The following HSDL1 variants were observed in gnomAD, a reference collection of about 807,000 sequenced individuals.
HSDL1 encodes the protein inactive hydroxysteroid dehydrogenase-like protein 1.
A neutral mutation model predicts 31.5 loss-of-function variants in HSDL1; 29 were observed. The observed-to-expected ratio is 0.92, with a 90% confidence interval of 0.69 to 1.26. The LOEUF (loss-of-function observed/expected upper bound fraction) is 1.26, where lower values mean the gene tolerates loss of function less well. HSDL1 is among the 50% of genes most tolerant of loss of function. HSDL1 has a pLI of 0.00. For synonymous variants in HSDL1, 222 were observed against 155.2 expected (o/e 1.43, Z -3.20); for missense variants, 503 against 416.6 (o/e 1.21, Z -1.81).
intron 1 of HSDL1, among the ~76,000 whole-genome samples, chr16:84,137,338 G>A (rs2086722238): frequency 6.6e-6 from 1 of 152,222 alleles, no homozygotes; most frequent in Non-Finnish European, 1.5e-5. Flanking sequence ...CGCATGCACA[G>A]CACAGGCTGT....
chr16:84,143,192 C>G (rs1331112850), intron 1 of HSDL1, among the ~76,000 whole-genome samples: 1 of 152,184 alleles, frequency 6.6e-6, no homozygotes, highest in Non-Finnish European at 1.5e-5. Context: ...AAGGCAGAAA[C>G]AAACAAAATG....
chr16:84,143,966 A>T (rs2086802150), intron 1 of HSDL1, among the ~76,000 whole-genome samples: 1 of 152,136 alleles, frequency 6.6e-6, no homozygotes, highest in African/African-American at 2.4e-5. Flanking sequence ...AGGAGCTGAG[A>T]TCGCAGGCAC....
At chr16:84,144,678 G>A (rs1349791275) in intron 1 of HSDL1, among the ~76,000 whole-genome samples, 2 of 152,110 alleles carry the variant, frequency 1.3e-5, no homozygotes, top group East Asian at 1.9e-4. Flanking sequence ...GGAGGAGCCG[G>A]GTGAGAGGCT....
chr16:84,123,087 A>G lies in HSDL1; in HGVS notation c.*1543T>C, dbSNP rs142024197. 4 of 152,356 alleles carry G rather than the reference A, an allele frequency of 2.6e-5. No homozygotes were observed. Among genetic ancestry groups the G allele is most frequent in the African/African-American group, 9.6e-5 (4 of 41,578 alleles). The allele number at this position is 152,356 out of a possible 1,614,324, so 9.4% of individuals were successfully genotyped here. A position where few individuals can be genotyped will look rare whatever the true frequency, so the allele number is the denominator to read the frequency against. ...ACTCCATCAAAACCTTGGGGCTCAC[A>G]GCATCTCCCAGTGTGTAGATTTTCA... On this transcript the variant is annotated 3_prime_UTR_variant, in exon 6 of 6. Coordinates refer to ENST00000219439, the MANE Select transcript of HSDL1 (RefSeq NM_031463.5).
intron 5 of HSDL1, among the ~76,000 whole-genome samples, chr16:84,126,776 C>T (rs1253791408): frequency 1.3e-5 from 2 of 152,098 alleles, no homozygotes. Context: ...AACAAAATCA[C>T]AGCAGCAAAA....
In HSDL1 at chr16:84,138,551, C is replaced by T. The variant is rs369211434; in HGVS notation, c.-68-2946G>A. Among the ~76,000 whole-genome samples, 24 of 152,252 alleles carry T rather than the reference C, an allele frequency of 1.6e-4. No homozygotes were observed. In the South Asian group the frequency reaches 2.9e-3, roughly 18 times the overall value. On this transcript the variant is annotated intron_variant, in intron 1 of 5. Coordinates refer to ENST00000219439, the MANE Select transcript of HSDL1 (RefSeq NM_031463.5). ...TGTGGTGATCATTTCACAAAGTATA[C>T]ATATATCAAATCATGTTGTACACCT...
chr16:84,130,820 T>C (rs2086656876), intron 3 of HSDL1: 2 of 408,814 alleles, frequency 4.9e-6, no homozygotes, highest in South Asian at 9.6e-5. Flanking sequence ...CAAGACAATT[T>C]TAAAACAGAG....
intron 5 of HSDL1, among the ~76,000 whole-genome samples, chr16:84,126,413 G>A (rs2086607262): frequency 6.6e-6 from 1 of 152,146 alleles, no homozygotes; most frequent in South Asian, 2.1e-4. Context: ...CACACTGGGA[G>A]TGGATGCTAC....
chr16:84,140,083 G>A (rs370800264), intron 1 of HSDL1, among the ~76,000 whole-genome samples: 17 of 151,930 alleles, frequency 1.1e-4, no homozygotes, highest in African/African-American at 4.1e-4. Flanking sequence ...TTCCCAGGCC[G>A]TGGCACTGCC....
Position 84,137,023 on chromosome 16 carries a change from G to A in HSDL1, c.-68-1418C>T, listed in dbSNP as rs532036303. ...ACGGTCACTGGTCCTACAGTCTCTC[G>A]AGATCTACATGGAAAACCAAACTTC... On this transcript the variant is annotated intron_variant, in intron 1 of 5. Coordinates refer to ENST00000219439, the MANE Select transcript of HSDL1 (RefSeq NM_031463.5). 8.5e-5 allele frequency among the ~76,000 whole-genome samples: 13 copies of A among 152,308 alleles called. No homozygotes were observed. The South Asian group carries it at 2.5e-3, about 29-fold the overall frequency.
Position 84,123,302 on chromosome 16 carries a change from C to G in HSDL1, c.*1328G>C, listed in dbSNP as rs1480315409. Reference sequence around the variant, plus strand: ...GAAAAAAATGCCACAGAAGTCCAGACTTTTAACCAATCTACTAGCTTCTGC... The same window carrying G: ...GAAAAAAATGCCACAGAAGTCCAGAGTTTTAACCAATCTACTAGCTTCTGC... On this transcript the variant is annotated 3_prime_UTR_variant, in exon 6 of 6. Transcript: ENST00000219439. The G allele has an allele frequency of 6.6e-6, 1 of 152,210 alleles. No homozygotes were observed. Among genetic ancestry groups the G allele is most frequent in the Non-Finnish European group, 1.5e-5 (1 of 68,044 alleles). The allele number at this position is 152,210 out of a possible 1,614,324, so 9.4% of individuals were successfully genotyped here.
chr16:84,140,061 C>T (rs1358925868), intron 1 of HSDL1, among the ~76,000 whole-genome samples: 1 of 152,126 alleles, frequency 6.6e-6, no homozygotes, highest in East Asian at 1.9e-4. Flanking sequence ...ACTTCCCTTC[C>T]TGTCCCTTCC....
At position 84,122,922 on chromosome 16, in the gene HSDL1, A is replaced by C. The variant is rs2086568665; in HGVS notation, c.*1708T>G. On this transcript the variant is annotated 3_prime_UTR_variant, in exon 6 of 6. Coordinates refer to ENST00000219439, the MANE Select transcript of HSDL1 (RefSeq NM_031463.5). ...CGTAACACTGATGGATTCCATACCT[A>C]ATTTATCAATCTAAGACATTACTGG... 1 of 152,182 alleles carries C rather than the reference A, an allele frequency of 6.6e-6. No individual in the cohort carries two copies. Among genetic ancestry groups the C allele is most frequent in the Admixed American group, 6.5e-5 (1 of 15,280 alleles). 9.4% of individuals were successfully genotyped at this position (152,182 alleles called of 1,614,324 possible).
At chr16:84,130,729 G>A (rs935475802) in intron 3 of HSDL1, among the ~76,000 whole-genome samples, 1 of 152,212 alleles carries the variant, frequency 6.6e-6, no homozygotes, top group Admixed American at 6.5e-5. Context: ...ATGAGTGGCA[G>A]GAGGTGCTTT....
In HSDL1 at chr16:84,130,343, C is replaced by T. The variant is rs753159898; in HGVS notation, c.309G>A (p.Lys103=). 47 of 1,614,104 alleles carry T rather than the reference C, an allele frequency of 2.9e-5. No individual in the cohort carries two copies. Among genetic ancestry groups the T allele is most frequent in the Non-Finnish European group, 3.9e-5 (46 of 1,180,046 alleles). Residue 103 remains lysine (K), a synonymous_variant, in exon 4 of 6, where the codon AAG becomes AAA. Coordinates refer to ENST00000219439, the MANE Select transcript of HSDL1 (RefSeq NM_031463.5). Reference sequence around the variant, plus strand: ...CTATGTCTTTAGCAACAACCTGCAACTTCTCCTCGTTCCGACTAATCAGGA... The same window carrying T: ...CTATGTCTTTAGCAACAACCTGCAATTTCTCCTCGTTCCGACTAATCAGGA... ...NIILISRNEE[K]LQVVAKDIAD...
intron 3 of HSDL1, 103 bp from the exon 4 acceptor site, chr16:84,130,534 A>G (rs1233196066): frequency 1.1e-6 from 1 of 935,324 alleles, no homozygotes; most frequent in East Asian, 2.4e-5. Context: ...AAAAATTCAC[A>G]CTAGAAATCA....
chr16:84,123,329 T>C lies in HSDL1; in HGVS notation c.*1301A>G, dbSNP rs1052572278. 1.3e-5 allele frequency: 2 copies of C among 152,234 alleles called. No individual in the cohort carries two copies. Among genetic ancestry groups the C allele is most frequent in the Non-Finnish European group, 2.9e-5 (2 of 68,042 alleles). The allele number at this position is 152,234 out of a possible 1,614,324, so 9.4% of individuals were successfully genotyped here. A position where few individuals can be genotyped will look rare whatever the true frequency, so the allele number is the denominator to read the frequency against. On this transcript the variant is annotated 3_prime_UTR_variant, in exon 6 of 6. Transcript: ENST00000219439. ...TTTAACCAATCTACTAGCTTCTGCA[T>C]CAGTATCACAATGCCGAGCTCTGAA...
intron 1 of HSDL1, among the ~76,000 whole-genome samples, chr16:84,138,612 G>A (rs971752591): frequency 2.6e-5 from 4 of 152,070 alleles, no homozygotes; most frequent in African/African-American, 7.2e-5. Context: ...ATTATACTTC[G>A]ATGAAGTTGG....
intron 2 of HSDL1, among the ~76,000 whole-genome samples, chr16:84,135,327 T>G (rs2086702716): frequency 6.6e-6 from 1 of 151,384 alleles, no homozygotes; most frequent in South Asian, 2.1e-4. Flanking sequence ...TGTGGGGAAA[T>G]GAGTTGCTCC....
Sources: allele counts gnomAD v4.1 joint callset (sites outside exome capture counted in the v4.1 genomes callset), GRCh38; gene constraint gnomAD v4.1.1; transcripts MANE v1.5; gene names NCBI Gene and HGNC (gene_info 2026-07-23, HGNC 2026-07-21).